The following DLGAP2 variants were observed in gnomAD, a reference collection of about 807,000 sequenced individuals.
DLGAP2 encodes disks large-associated protein 2.
In DLGAP2, 26 loss-of-function variants were observed where a neutral mutation model predicts 100.3. The ratio of observed to expected loss-of-function variants is 0.26; its 90% CI spans 0.19 to 0.36. The LOEUF is 0.36. Among genes scored for constraint, DLGAP2 ranks in the 10% least tolerant of loss-of-function variants. The probability of loss-of-function intolerance (pLI) is 1.00; values close to 1 mark genes in which losing one functional copy is unlikely to be tolerated. For synonymous variants in DLGAP2, 886 were observed against 630.1 expected, an observed-to-expected ratio of 1.41 and a Z score of -6.08; for missense variants, 1,858 against 1,453.2, an observed-to-expected ratio of 1.28 and a Z score of -4.53.
chr8:1,466,577 A>T (rs1798633319), intron 3 of DLGAP2, among the ~76,000 whole-genome samples: 1 of 151,844 alleles, frequency 6.6e-6, no homozygotes, highest in African/African-American at 2.4e-5. Context: ...TGTGATAAAA[A>T]CCTTAATTTC....
intron 1 of DLGAP2, among the ~76,000 whole-genome samples, chr8:766,610 A>G (rs1163059354): frequency 6.6e-6 from 1 of 152,182 alleles, no homozygotes; most frequent in African/African-American, 2.4e-5. Flanking sequence ...TCTCTGGGCA[A>G]GCACGCACAT....
intron 3 of DLGAP2, among the ~76,000 whole-genome samples, chr8:1,376,602 G>C (rs1449788555): frequency 6.6e-6 from 1 of 152,178 alleles, no homozygotes; most frequent in Non-Finnish European, 1.5e-5. Flanking sequence ...GGTGGCAGTG[G>C]GGAGCCGGGT....
chr8:954,130 G>C (rs1029631245), intron 2 of DLGAP2, among the ~76,000 whole-genome samples: 1 of 152,038 alleles, frequency 6.6e-6, no homozygotes, highest in Non-Finnish European at 1.5e-5. Flanking sequence ...CCCAGGAAAA[G>C]GTTGTCCACA....
chr8:986,603 G>A (rs1375070384), intron 2 of DLGAP2, among the ~76,000 whole-genome samples: 1 of 151,480 alleles, frequency 6.6e-6, no homozygotes, highest in African/African-American at 2.4e-5. Context: ...GACTGGAGGA[G>A]AAAAGGAGAC....
At chr8:1,523,061 C>A (rs1419627822) in intron 4 of DLGAP2, among the ~76,000 whole-genome samples, 2 of 152,210 alleles carry the variant, frequency 1.3e-5, no homozygotes, top group African/African-American at 4.8e-5. Flanking sequence ...GGGGTCACAC[C>A]CAGGCTGGGA....
intron 1 of DLGAP2, among the ~76,000 whole-genome samples, chr8:757,438 C>G (rs545038785): frequency 6.6e-6 from 1 of 152,120 alleles, no homozygotes; most frequent in Admixed American, 6.5e-5. Context: ...CATTTAGCAC[C>G]GTGTTTTGAG....
chr8:788,846 A>G (rs578219184), intron 1 of DLGAP2, among the ~76,000 whole-genome samples: 7 of 152,222 alleles, frequency 4.6e-5, no homozygotes, highest in East Asian at 1.9e-4. Context: ...ACTTTTTCCC[A>G]TGGGCTTTTG....
chr8:1,039,824 A>C (rs1038022771), intron 2 of DLGAP2, among the ~76,000 whole-genome samples: 2 of 59,032 alleles, frequency 3.4e-5, no homozygotes, highest in East Asian at 6.2e-4. Flanking sequence ...CTCGGTGTGC[A>C]TGGTCGGCTC....
intron 3 of DLGAP2, among the ~76,000 whole-genome samples, chr8:1,485,616 T>C (rs938959309): frequency 1.3e-5 from 2 of 152,222 alleles, no homozygotes; most frequent in Non-Finnish European, 2.9e-5. Context: ...GGAGAACGCT[T>C]CAGTTCCCCC....
intron 1 of DLGAP2, among the ~76,000 whole-genome samples, chr8:830,013 G>A (rs543424870): frequency 6.6e-6 from 1 of 152,244 alleles, no homozygotes; most frequent in East Asian, 1.9e-4. Flanking sequence ...CCTTGGAATA[G>A]CTCTTTGGAC....
intron 2 of DLGAP2, among the ~76,000 whole-genome samples, chr8:1,025,684 A>G (rs1801777836): frequency 6.6e-6 from 1 of 152,116 alleles, no homozygotes; most frequent in Admixed American, 6.5e-5. Context: ...TGGCTCTGAT[A>G]AAGTGCTACT....
intron 3 of DLGAP2, among the ~76,000 whole-genome samples, chr8:1,336,709 C>T (rs997338874): frequency 1.3e-5 from 2 of 152,204 alleles, no homozygotes; most frequent in African/African-American, 2.4e-5. Flanking sequence ...TTTCTCACCC[C>T]TAAATAAGAC....
intron 2 of DLGAP2, among the ~76,000 whole-genome samples, chr8:1,024,616 T>A (rs1000921416): frequency 2.9e-4 from 44 of 152,186 alleles, no homozygotes; most frequent in Non-Finnish European, 3.5e-4. Context: ...TACTCCCTCA[T>A]GCTCTGTTGT....
intron 1 of DLGAP2, among the ~76,000 whole-genome samples, chr8:815,217 T>C (rs916496607): frequency 3.9e-5 from 6 of 152,170 alleles, no homozygotes; most frequent in African/African-American, 1.4e-4. Context: ...TACAGGAGGC[T>C]TGGGGTCTGG....
intron 1 of DLGAP2, among the ~76,000 whole-genome samples, chr8:884,907 G>C (rs1797891924): frequency 6.6e-6 from 1 of 152,122 alleles, no homozygotes; most frequent in Admixed American, 6.6e-5. Context: ...TCCATTACTT[G>C]TTTTTGTCAG....
chr8:976,848 C>A (rs1281660160), intron 2 of DLGAP2, among the ~76,000 whole-genome samples: 1 of 152,116 alleles, frequency 6.6e-6, no homozygotes, highest in Non-Finnish European at 1.5e-5. Flanking sequence ...TAGAAGATAG[C>A]ATAAAATACC....
intron 4 of DLGAP2, among the ~76,000 whole-genome samples, chr8:1,536,234 G>C (rs1801149824): frequency 6.6e-6 from 1 of 152,004 alleles, no homozygotes; most frequent in Admixed American, 6.6e-5. Context: ...TCTGAACTTG[G>C]GAAAGTCACC....
intron 2 of DLGAP2, chr8:927,112 C>G (rs17752590): frequency 2.4e-5 from 24 of 985,262 alleles, no homozygotes; most frequent in Non-Finnish European, 2.9e-5. Context: ...TAAAAGACTT[C>G]GGAGCAAACT....
At chr8:1,259,114 A>G (rs1056209836) in intron 3 of DLGAP2, among the ~76,000 whole-genome samples, 3 of 152,242 alleles carry the variant, frequency 2.0e-5, no homozygotes, top group Admixed American at 6.5e-5. Context: ...TCAAATTGCA[A>G]TATTTTCTTT....
Sources: allele counts gnomAD v4.1 joint callset (sites outside exome capture counted in the v4.1 genomes callset), GRCh38; gene constraint gnomAD v4.1.1; transcripts MANE v1.5; gene names NCBI Gene and HGNC (gene_info 2026-07-23, HGNC 2026-07-21).